The following PALM2AKAP2 variants were observed in gnomAD, a reference collection of about 807,000 sequenced individuals.
The protein encoded by PALM2AKAP2 is PALM2-AKAP2 fusion protein.
Under a neutral mutation model 71.5 loss-of-function variants are expected in PALM2AKAP2, and 37 were observed. The ratio of observed to expected loss-of-function variants is 0.52; its 90% CI spans 0.40 to 0.68. The LOEUF is 0.68. PALM2AKAP2 is among the 30% of genes least tolerant of loss of function. The probability of loss-of-function intolerance (pLI) is 0.00; values close to 1 mark genes in which losing one functional copy is unlikely to be tolerated. For missense variants in PALM2AKAP2, 1,224 were observed against 1,191.8 expected, an observed-to-expected ratio of 1.03 and a Z score of -0.40; for synonymous variants, 468 against 478.8, an observed-to-expected ratio of 0.98 and a Z score of 0.29.
At chr9:109,861,269 A>G (rs939220396) in intron 1 of PALM2AKAP2, among the ~76,000 whole-genome samples, 4 of 152,210 alleles carry the variant, frequency 2.6e-5, no homozygotes, top group African/African-American at 9.6e-5. Flanking sequence ...CTCCAGTTGC[A>G]GCACAGTCAG....
intron 1 of PALM2AKAP2, among the ~76,000 whole-genome samples, chr9:109,719,481 A>T (rs1828374349): frequency 6.6e-6 from 1 of 152,198 alleles, no homozygotes; most frequent in South Asian, 2.1e-4. Flanking sequence ...CTAGATTCTG[A>T]TTCCATAACA....
chr9:110,119,732 A>G (rs1409921431), intron 1 of PALM2AKAP2, among the ~76,000 whole-genome samples: 1 of 152,170 alleles, frequency 6.6e-6, no homozygotes, highest in African/African-American at 2.4e-5. Context: ...CCGTCTATCC[A>G]TATCTTTTGT....
intron 1 of PALM2AKAP2, among the ~76,000 whole-genome samples, chr9:109,800,129 T>C (rs1827381241): frequency 6.6e-6 from 1 of 152,146 alleles, no homozygotes; most frequent in South Asian, 2.1e-4. Flanking sequence ...ACCCAGCACC[T>C]CCCATGTGCC....
intron 1 of PALM2AKAP2, among the ~76,000 whole-genome samples, chr9:110,110,542 C>CTTTTTTTT (rs559402514): frequency 5.2e-5 from 5 of 95,362 alleles, no homozygotes; most frequent in African/African-American, 7.9e-5. Context: ...TTTCTGAACT[C>CTTTTTTTT]TTTTTTTTTT....
At chr9:109,875,927 C>A (rs1428295665) in intron 2 of PALM2AKAP2, among the ~76,000 whole-genome samples, 1 of 152,124 alleles carries the variant, frequency 6.6e-6, no homozygotes, top group Non-Finnish European at 1.5e-5. Flanking sequence ...CTGCCAGCTC[C>A]CCACCTGCTC....
chr9:109,920,981 C>T (rs893804462), intron 3 of PALM2AKAP2, among the ~76,000 whole-genome samples: 2 of 152,088 alleles, frequency 1.3e-5, no homozygotes, highest in Non-Finnish European at 2.9e-5. Flanking sequence ...ACTTACTCCC[C>T]CCAAAATAAT....
At position 110,137,601 on chromosome 9, in the gene PALM2AKAP2, T is replaced by C. The variant is rs771922728; in HGVS notation, c.1631T>C (p.Leu544Ser). The stretch of plus-strand genomic sequence containing the variant: ...GTCAAGGATGATGACCATGGGATTT[T>C]GGATCAGTTCTCAAGATCTGTCAAT... Residue 544 changes from leucine (L) to serine (S), a missense_variant, in exon 2 of 4, where the codon TTG becomes TCG. Leu to Ser is a moderately radical substitution (Grantham distance 145). Transcript: ENST00000374525. 43 of 1,614,188 alleles carry C rather than the reference T, an allele frequency of 2.7e-5. No individual in the cohort carries two copies. The East Asian group carries it at 8.5e-4, about 32-fold the overall frequency.
intron 1 of PALM2AKAP2, among the ~76,000 whole-genome samples, chr9:109,711,235 T>C (rs1345092585): frequency 6.6e-6 from 1 of 152,208 alleles, no homozygotes; most frequent in East Asian, 1.9e-4. Context: ...GTTCACACTT[T>C]TCTACCAAGT....
At chr9:109,679,839 T>A (rs1827703867) in intron 1 of PALM2AKAP2, among the ~76,000 whole-genome samples, 1 of 152,232 alleles carries the variant, frequency 6.6e-6, no homozygotes, top group Non-Finnish European at 1.5e-5. Context: ...ATATGCTCTT[T>A]GTTATAAGAA....
intron 6 of PALM2AKAP2, among the ~76,000 whole-genome samples, chr9:109,970,607 C>A (rs545853573): frequency 6.6e-6 from 1 of 152,342 alleles, no homozygotes; most frequent in South Asian, 2.1e-4. Flanking sequence ...ATGGAGCCTG[C>A]CTCTGGGGCA....
At chr9:110,021,618 G>C (rs1307605879) in intron 7 of PALM2AKAP2, among the ~76,000 whole-genome samples, 1 of 151,976 alleles carries the variant, frequency 6.6e-6, no homozygotes, top group Non-Finnish European at 1.5e-5. Context: ...TGTTTTGGGA[G>C]AACCACTAAC....
chr9:109,786,297 C>T (rs1216987097), intron 1 of PALM2AKAP2, among the ~76,000 whole-genome samples: 1 of 152,228 alleles, frequency 6.6e-6, no homozygotes, highest in Non-Finnish European at 1.5e-5. Context: ...TCCAGTCCAG[C>T]TTCCCAAGGA....
intron 3 of PALM2AKAP2, among the ~76,000 whole-genome samples, chr9:109,913,599 C>T (rs1005805583): frequency 6.6e-6 from 1 of 152,066 alleles, no homozygotes; most frequent in African/African-American, 2.4e-5. Context: ...AGACTCTAAG[C>T]TCTGATTAGC....
Position 109,688,694 on chromosome 9 carries a change from A to G in PALM2AKAP2, c.5+47828A>G, listed in dbSNP as rs1037650912. Among the ~76,000 whole-genome samples, 21 of 152,366 alleles carry G rather than the reference A, an allele frequency of 1.4e-4. 1 individual carries two copies. Among genetic ancestry groups the G allele is most frequent in the Admixed American group, 1.0e-3 (16 of 15,300 alleles). On this transcript the variant is annotated intron_variant, in intron 1 of 6. Coordinates refer to the PALM2AKAP2 transcript ENST00000374531. The stretch of plus-strand genomic sequence containing the variant: ...TTGACCTCCCTGAAAAGGGGCAGAG[A>G]GATTAAGCTTGCAGTATGAGTAGGG...
intron 1 of PALM2AKAP2, among the ~76,000 whole-genome samples, chr9:109,698,385 C>A (rs1828005313): frequency 6.7e-6 from 1 of 149,658 alleles, no homozygotes; most frequent in African/African-American, 2.5e-5. Flanking sequence ...TCAAGCGATT[C>A]TTGTGCCTCA....
chr9:109,682,624 T>C (rs1827753474), intron 1 of PALM2AKAP2, among the ~76,000 whole-genome samples: 1 of 152,304 alleles, frequency 6.6e-6, no homozygotes, highest in South Asian at 2.1e-4. Context: ...CCACACTGAG[T>C]AGTTTTTAGG....
At chr9:110,161,057 G>A (rs1414391546) in intron 3 of PALM2AKAP2, among the ~76,000 whole-genome samples, 1 of 152,154 alleles carries the variant, frequency 6.6e-6, no homozygotes, top group Non-Finnish European at 1.5e-5. Context: ...TGTTTCCCCA[G>A]ACGCTACAGG....
intron 1 of PALM2AKAP2, among the ~76,000 whole-genome samples, chr9:109,819,969 A>G (rs190876371): frequency 1.3e-5 from 2 of 152,306 alleles, no homozygotes; most frequent in East Asian, 3.9e-4. Context: ...GAAAACAGGA[A>G]AATGGTTAAA....
intron 1 of PALM2AKAP2, among the ~76,000 whole-genome samples, chr9:109,659,516 C>T (rs764471040): frequency 6.7e-5 from 10 of 149,418 alleles, no homozygotes; most frequent in African/African-American, 2.4e-4. Flanking sequence ...TAACACAATA[C>T]GTGGTCCTTT....
Sources: gnomAD v4.1 joint callset for allele counts (sites outside exome capture counted in the v4.1 genomes callset) on GRCh38, gnomAD v4.1.1 for gene constraint, MANE v1.5 for transcripts, NCBI Gene and HGNC (gene_info 2026-07-23, HGNC 2026-07-21) for gene names.